Variants in ALX4 observed in about 807,000 individuals in gnomAD.
The protein encoded by ALX4 is ALX homeobox 4, also known as homeobox protein aristaless-like 4.
A neutral mutation model predicts 40.6 loss-of-function variants in ALX4; 22 were observed. The observed-to-expected ratio is 0.54, with a 90% CI of 0.39 to 0.77. ALX4 has a LOEUF of 0.77. ALX4 is among the 30% of genes least tolerant of loss of function. The probability of loss-of-function intolerance (pLI) is 0.00; values close to 1 mark genes in which losing one functional copy is unlikely to be tolerated. For missense variants in ALX4, 556 were observed against 564.8 expected, an observed-to-expected ratio of 0.98 and a Z score of 0.16; for synonymous variants, 266 against 240.5, an observed-to-expected ratio of 1.11 and a Z score of -0.98.
chr11:44,283,494 A>C (rs1319328459), intron 1 of ALX4, among the ~76,000 whole-genome samples: 1 of 152,228 alleles, frequency 6.6e-6, no homozygotes, highest in African/African-American at 2.4e-5. Context: ...AATATTCAAC[A>C]ATAGGGGATT....
At position 44,264,628 on chromosome 11, in the gene ALX4, G is replaced by A; in HGVS notation, c.*226C>T. 1.7e-6 allele frequency: 1 copy of A among 596,116 alleles called. No individual in the cohort carries two copies. Among genetic ancestry groups the A allele is most frequent in the Non-Finnish European group, 3.0e-6 (1 of 337,462 alleles). 36.9% of individuals were successfully genotyped at this position (596,116 alleles called of 1,614,324 possible). On this transcript the variant is annotated 3_prime_UTR_variant, in exon 4 of 4. Coordinates refer to ENST00000652299, the MANE Select transcript of ALX4 (RefSeq NM_021926.4). Reference sequence around the variant, plus strand: ...GGCTTTCTCCACTGCCTGTGGCCGGGAGCAGGGGTCAGGGCCTCAGTGCCA... The same window carrying A: ...GGCTTTCTCCACTGCCTGTGGCCGGAAGCAGGGGTCAGGGCCTCAGTGCCA...
intron 1 of ALX4, among the ~76,000 whole-genome samples, chr11:44,296,780 G>A (rs1283630071): frequency 3.3e-5 from 5 of 151,364 alleles, no homozygotes; most frequent in Admixed American, 1.3e-4. Flanking sequence ...AGGCTGAGGC[G>A]GGTGGATCAC....
At chr11:44,296,368 C>T (rs901582380) in intron 1 of ALX4, among the ~76,000 whole-genome samples, 8 of 152,174 alleles carry the variant, frequency 5.3e-5, no homozygotes, top group African/African-American at 1.4e-4. Context: ...AAGACATAGG[C>T]GAAAATCCTC....
chr11:44,285,684 C>CT lies in ALX4; in HGVS notation c.467-10027dup, dbSNP rs774475513. On this transcript the variant is annotated intron_variant, in intron 1 of 3. Transcript: ENST00000652299. ...GGATGAAAGTGAGATCTTGTCTTTC[C>CT]TTTTTTTTTTTTTATTTTTTAACTA... 4.9e-3 allele frequency among the ~76,000 whole-genome samples: 712 copies of CT among 144,328 alleles called. 3 individuals are homozygous for CT. Among genetic ancestry groups the CT allele is most frequent in the Middle Eastern group, 0.014 (4 of 278 alleles). The allele number at this position is 144,328 out of a possible 152,430, so 94.7% of individuals were successfully genotyped here.
Position 44,267,525 on chromosome 11 carries a change from G to T in ALX4, c.875C>A (p.Pro292His), listed in dbSNP as rs1471576532. The change falls in exon 3 of 4, where the codon CCC becomes CAC. Residue 292 changes from proline (P) to histidine (H), a missense_variant. By Grantham distance (77) the Pro-to-His change is moderately conservative. Transcript: ENST00000652299. ...GTAGTTCTCAGCTCGGGTGAGGAGG[G>T]GCAGCTCATATGCAGTGGAGAAGTG... is the stretch of plus-strand genomic sequence containing the variant. ...RTHFSTAYELPLLTRAENYAQ... is the reference protein window; with the variant it reads ...RTHFSTAYELHLLTRAENYAQ... 1 of 1,614,152 alleles carries T rather than the reference G, an allele frequency of 6.2e-7. No homozygotes were observed. Among genetic ancestry groups the T allele is most frequent in the Admixed American group, 1.7e-5 (1 of 60,028 alleles).
intron 1 of ALX4, among the ~76,000 whole-genome samples, chr11:44,308,178 T>C (rs1008624397): frequency 6.6e-6 from 1 of 152,194 alleles, no homozygotes; most frequent in Non-Finnish European, 1.5e-5. Flanking sequence ...CCACATCGGC[T>C]CCTAAAGAAG....
intron 3 of ALX4, 21 bp from the exon 4 acceptor site, chr11:44,265,204 T>C: frequency 6.3e-7 from 1 of 1,580,902 alleles, no homozygotes; most frequent in Non-Finnish European, 8.6e-7. Flanking sequence ...AAGGGAGAGA[T>C]GTCACCGGCT....
rs1262348859 is a variant in ALX4 at position 44,264,993 on chromosome 11, C to G, written c.1097G>C (p.Ser366Thr). Residue 366 changes from serine (S) to threonine (T), a missense_variant, in exon 4 of 4, where the codon AGC becomes ACC. Ser to Thr is a moderately conservative substitution (Grantham distance 58, BLOSUM62 1). Coordinates refer to ENST00000652299, the MANE Select transcript of ALX4 (RefSeq NM_021926.4). Reference protein sequence around the residue: ...GSHVGQTHMGSLFGAASLSPG... With the variant: ...GSHVGQTHMGTLFGAASLSPG... ...GCTGAGGCTGGCTGCTCCAAACAGG[C>G]TGCCCATGTGCGTCTGGCCCACGTG... is the stretch of plus-strand genomic sequence containing the variant. 6.2e-7 allele frequency: 1 copy of G among 1,613,162 alleles called. No individual in the cohort carries two copies. Among genetic ancestry groups the G allele is most frequent in the South Asian group, 1.1e-5 (1 of 91,090 alleles).
chr11:44,295,402 C>T (rs1956397383), intron 1 of ALX4, among the ~76,000 whole-genome samples: 1 of 152,246 alleles, frequency 6.6e-6, no homozygotes, highest in Non-Finnish European at 1.5e-5. Context: ...CATGATTTTC[C>T]AAGAACCCTA....
intron 3 of ALX4, among the ~76,000 whole-genome samples, 187 bp downstream of exon 3, chr11:44,267,307 G>A (rs1158909803): frequency 8.5e-5 from 13 of 152,144 alleles, no homozygotes; most frequent in Non-Finnish European, 1.6e-4. Flanking sequence ...CTGGTTCAAT[G>A]ATTAGTTGGA....
intron 2 of ALX4, among the ~76,000 whole-genome samples, chr11:44,267,985 C>T (rs927283135): frequency 1.3e-5 from 2 of 152,232 alleles, no homozygotes; most frequent in Non-Finnish European, 2.9e-5. Context: ...ATAAAAGCTA[C>T]AAATGCTCCT....
intron 1 of ALX4, among the ~76,000 whole-genome samples, chr11:44,295,878 C>T (rs1001339420): frequency 6.6e-5 from 10 of 152,242 alleles, no homozygotes; most frequent in African/African-American, 1.2e-4. Context: ...GAGGGGCCCC[C>T]GAATATCCAG....
At chr11:44,293,046 C>A (rs1590699867) in intron 1 of ALX4, among the ~76,000 whole-genome samples, 1 of 150,552 alleles carries the variant, frequency 6.6e-6, no homozygotes, top group Admixed American at 6.7e-5. Flanking sequence ...CTGCAGTGGG[C>A]CATGATTTAG....
intron 1 of ALX4, among the ~76,000 whole-genome samples, chr11:44,306,240 A>G (rs1028956762): frequency 6.6e-6 from 1 of 152,202 alleles, no homozygotes; most frequent in Non-Finnish European, 1.5e-5. Context: ...TCGTTCTTTT[A>G]GCACATTTGG....
intron 1 of ALX4, among the ~76,000 whole-genome samples, chr11:44,304,494 G>GC (rs550578243): frequency 0.018 from 2,656 of 151,482 alleles, 31 homozygotes; most frequent in Non-Finnish European, 0.028. Context: ...GGCAGGGCGC[G>GC]CCCCCCCCAT....
chr11:44,302,970 C>A (rs938097217), intron 1 of ALX4, among the ~76,000 whole-genome samples: 3 of 152,126 alleles, frequency 2.0e-5, no homozygotes, highest in African/African-American at 7.2e-5. Flanking sequence ...AAATTCAGAC[C>A]CCGGAGCAGA....
chr11:44,306,985 CG>C (rs907086873), intron 1 of ALX4, among the ~76,000 whole-genome samples: 8 of 152,162 alleles, frequency 5.3e-5, no homozygotes, highest in Non-Finnish European at 4.4e-5. Flanking sequence ...GGCTTTGCCC[CG>C]AGCAGTGCCT....
At chr11:44,265,224 G>T (rs764119148) in intron 3 of ALX4, 41 bp from the exon 4 acceptor site, 5 of 1,550,748 alleles carry the variant, frequency 3.2e-6, no homozygotes, top group Non-Finnish European at 4.4e-6. Flanking sequence ...TGGCGGGCAG[G>T]TGTGGTGTGG....
rs555037736 is a variant in ALX4 at position 44,278,686 on chromosome 11, C to T, written c.467-3028G>A. On this transcript the variant is annotated intron_variant, in intron 1 of 3. Transcript: ENST00000652299. Reference sequence around the variant, plus strand: ...ACCACCAGGCCAAGAGTTGGGAGCCCTGGCCTCGGCCCCCGCTCTTCTCAG... The same window carrying T: ...ACCACCAGGCCAAGAGTTGGGAGCCTTGGCCTCGGCCCCCGCTCTTCTCAG... 1.5e-4 allele frequency among the ~76,000 whole-genome samples: 23 copies of T among 152,302 alleles called. 1 individual carries two copies. The highest frequency in any genetic ancestry group is 5.3e-4 in the African/African-American group (22 of 41,562).
Sources: gnomAD v4.1 joint callset for allele counts (sites outside exome capture counted in the v4.1 genomes callset) on GRCh38, gnomAD v4.1.1 for gene constraint, MANE v1.5 for transcripts, NCBI Gene and HGNC (gene_info 2026-07-23, HGNC 2026-07-21) for gene names.